TBC1D5: variants seen among roughly 807,000 people sequenced by gnomAD.
The protein encoded by TBC1D5 is TBC1 domain family, member 5.
In TBC1D5, 75 loss-of-function variants were observed where a neutral mutation model predicts 100.3. That is an observed-to-expected ratio of 0.75 (90% CI 0.62 to 0.91). The LOEUF is 0.91. TBC1D5 is among the 40% of genes least tolerant of loss of function. The pLI, the probability that TBC1D5 is intolerant of heterozygous loss-of-function variation, is 0.00. For missense variants in TBC1D5, 910 were observed against 942.4 expected, an observed-to-expected ratio of 0.97 and a Z score of 0.45; for synonymous variants, 323 against 325.6, an observed-to-expected ratio of 0.99 and a Z score of 0.09.
At chr3:17,265,461 T>A (rs1042335192) in intron 15 of TBC1D5, among the ~76,000 whole-genome samples, 1 of 151,986 alleles carries the variant, frequency 6.6e-6, no homozygotes, top group African/African-American at 2.4e-5. Flanking sequence ...ACTGTAAAAA[T>A]ATGTCGAACG....
At chr3:17,538,092 G>T (rs552412769) in intron 2 of TBC1D5, among the ~76,000 whole-genome samples, 26 of 152,278 alleles carry the variant, frequency 1.7e-4, no homozygotes, top group Non-Finnish European at 2.9e-4. Context: ...TGTCAGAGTA[G>T]GTAGTTAGGC....
chr3:17,376,520 C>A lies in TBC1D5; in HGVS notation c.701+5G>T. On this transcript the variant is annotated splice_donor_5th_base_variant and intron_variant, in intron 10 of 21. Coordinates refer to ENST00000253692, the Ensembl canonical transcript of TBC1D5. ...AATGGAGCTCATATTAAAAAAAAAA[C>A]TTGCCTGGGCTGTGCAGACTCACTG... is the stretch of plus-strand genomic sequence containing the variant. 1 of 1,584,144 alleles carries A rather than the reference C, an allele frequency of 6.3e-7. No individual in the cohort carries two copies. Among genetic ancestry groups the A allele is most frequent in the Non-Finnish European group, 8.5e-7 (1 of 1,170,718 alleles).
intron 13 of TBC1D5, among the ~76,000 whole-genome samples, chr3:17,365,505 G>C (rs1249468622): frequency 6.6e-6 from 1 of 152,170 alleles, no homozygotes; most frequent in Admixed American, 6.5e-5. Flanking sequence ...AATAAGGCCA[G>C]AATTGGACTC....
At chr3:17,724,241 C>A (rs944179894) in intron 1 of TBC1D5, among the ~76,000 whole-genome samples, 5 of 151,988 alleles carry the variant, frequency 3.3e-5, no homozygotes, top group African/African-American at 7.3e-5. Flanking sequence ...CACCAGCACA[C>A]GCCACCATGC....
At chr3:17,541,286 A>G (rs2096354341) in intron 2 of TBC1D5, among the ~76,000 whole-genome samples, 1 of 151,904 alleles carries the variant, frequency 6.6e-6, no homozygotes, top group Non-Finnish European at 1.5e-5. Context: ...TAACAATAGT[A>G]AGTCTTCTAA....
intron 21 of TBC1D5, among the ~76,000 whole-genome samples, chr3:17,165,684 TG>T (rs775352110): frequency 2.0e-5 from 3 of 152,260 alleles, no homozygotes; most frequent in Non-Finnish European, 4.4e-5. Context: ...AGTGTCTGAA[TG>T]CTGGTTTTTG....
intron 13 of TBC1D5, among the ~76,000 whole-genome samples, chr3:17,344,280 A>T (rs2089513754): frequency 6.6e-6 from 1 of 152,096 alleles, no homozygotes; most frequent in Non-Finnish European, 1.5e-5. Flanking sequence ...CAACAGACAA[A>T]CAGAGAGCCA....
At chr3:17,711,665 T>C (rs1036649939) in intron 1 of TBC1D5, among the ~76,000 whole-genome samples, 1 of 152,364 alleles carries the variant, frequency 6.6e-6, no homozygotes, top group South Asian at 2.1e-4. Flanking sequence ...ATATTATGTT[T>C]CTAAGATAAT....
At chr3:17,161,133 T>C in exon 22 of TBC1D5, 1 of 1,614,084 alleles carries the variant, frequency 6.2e-7, no homozygotes, top group Non-Finnish European at 8.5e-7. Context: ...CTTCTGAGGG[T>C]GCGAAGAGGC....
At chr3:17,300,159 C>T (rs1383941924) in intron 14 of TBC1D5, among the ~76,000 whole-genome samples, 2 of 152,086 alleles carry the variant, frequency 1.3e-5, no homozygotes, top group African/African-American at 4.8e-5. Context: ...GTGTTTGTAA[C>T]AGGGTACATT....
At chr3:17,626,944 G>A (rs957201171) in intron 1 of TBC1D5, among the ~76,000 whole-genome samples, 3 of 152,118 alleles carry the variant, frequency 2.0e-5, no homozygotes, top group African/African-American at 7.2e-5. Flanking sequence ...GGCCAATGAA[G>A]GTTCCTAAGC....
chr3:17,240,142 A>T (rs1347146237), intron 16 of TBC1D5, among the ~76,000 whole-genome samples: 1 of 152,220 alleles, frequency 6.6e-6, no homozygotes, highest in African/African-American at 2.4e-5. Flanking sequence ...TAGTTCTATA[A>T]TAAAAAGGAA....
chr3:17,394,240 A>C (rs2093437672), intron 8 of TBC1D5, among the ~76,000 whole-genome samples: 1 of 152,150 alleles, frequency 6.6e-6, no homozygotes, highest in Admixed American at 6.5e-5. Flanking sequence ...TGAGATACTG[A>C]TTCATTTATG....
chr3:17,442,887 G>A (rs78162091), intron 3 of TBC1D5, among the ~76,000 whole-genome samples: 2,072 of 151,762 alleles, frequency 0.014, 31 homozygotes, highest in Middle Eastern at 0.031. Context: ...AGGAGAGGGA[G>A]AAGAAGCGAG....
Position 17,331,794 on chromosome 3 carries a change from G to A in TBC1D5, c.996-23660C>T, listed in dbSNP as rs146487374. Among the ~76,000 whole-genome samples the A allele has an allele frequency of 9.2e-3, 1,400 of 152,326 alleles. 54 individuals carry two copies. Among genetic ancestry groups the A allele is most frequent in the Admixed American group, 0.071 (1,088 of 15,304 alleles). On this transcript the variant is annotated intron_variant, in intron 13 of 21. Coordinates refer to ENST00000253692, the Ensembl canonical transcript of TBC1D5. ...CCATGGGAACATCTTGGCATGGGTG[G>A]ATAGAGATGTTAAAGAAGGAGACAG...
chr3:17,680,107 T>C (rs549721188), intron 1 of TBC1D5, among the ~76,000 whole-genome samples: 2 of 151,678 alleles, frequency 1.3e-5, no homozygotes, highest in African/African-American at 4.9e-5. Flanking sequence ...TCAGTTATAC[T>C]AAAAGTTTTA....
At chr3:17,671,002 A>G (rs2153783456) in intron 1 of TBC1D5, among the ~76,000 whole-genome samples, 1 of 152,318 alleles carries the variant, frequency 6.6e-6, no homozygotes, top group Admixed American at 6.5e-5. Flanking sequence ...CAGCACTACC[A>G]CAAATGATTT....
At chr3:17,341,292 G>A (rs1021829988) in intron 13 of TBC1D5, among the ~76,000 whole-genome samples, 1 of 152,062 alleles carries the variant, frequency 6.6e-6, no homozygotes, top group African/African-American at 2.4e-5. Flanking sequence ...TGCCTCCTGG[G>A]TTCACGCCAT....
chr3:17,496,636 A>G (rs1028319203), intron 3 of TBC1D5, among the ~76,000 whole-genome samples: 1 of 152,160 alleles, frequency 6.6e-6, no homozygotes, highest in African/African-American at 2.4e-5. Context: ...TTACTTCACC[A>G]TTAAATTGTT....
Sources: gnomAD v4.1 joint callset for allele counts (sites outside exome capture counted in the v4.1 genomes callset) on GRCh38, gnomAD v4.1.1 for gene constraint, MANE v1.5 for transcripts, NCBI Gene and HGNC (gene_info 2026-07-23, HGNC 2026-07-21) for gene names.